Variants in KCNQ3 observed in about 807,000 individuals in gnomAD.
KCNQ3 encodes potassium voltage-gated channel subfamily KQT member 3.
KCNQ3 carries 30 observed loss-of-function variants against 92.5 expected under a neutral mutation model. That is an observed-to-expected ratio of 0.32 (90% CI 0.24 to 0.44). The LOEUF is 0.44. Among genes scored for constraint, KCNQ3 ranks in the 20% least tolerant of loss-of-function variants. The pLI is 1.00. For missense variants in KCNQ3, 913 were observed against 1,140.3 expected (o/e 0.80, Z 2.87); for synonymous variants, 450 against 468.8 (o/e 0.96, Z 0.52).
At chr8:132,435,167 C>T (rs949767961) in intron 1 of KCNQ3, among the ~76,000 whole-genome samples, 8 of 152,166 alleles carry the variant, frequency 5.3e-5, no homozygotes, top group Non-Finnish European at 2.9e-5. Context: ...AGGAGCATGC[C>T]CAGGACCTCC....
At chr8:132,379,886 T>A (rs900134628) in intron 1 of KCNQ3, among the ~76,000 whole-genome samples, 5 of 146,532 alleles carry the variant, frequency 3.4e-5, no homozygotes, top group African/African-American at 1.3e-4. Flanking sequence ...AATCTTGGCA[T>A]CTTTTTTTTT....
At chr8:132,325,451 C>T (rs780180188) in intron 1 of KCNQ3, among the ~76,000 whole-genome samples, 35 of 152,108 alleles carry the variant, frequency 2.3e-4, no homozygotes, top group Non-Finnish European at 4.0e-4. Flanking sequence ...AAGTCCTAAC[C>T]CCTAGGACCT....
At chr8:132,321,240 C>T (rs984379693) in intron 1 of KCNQ3, among the ~76,000 whole-genome samples, 1 of 152,198 alleles carries the variant, frequency 6.6e-6, no homozygotes, top group African/African-American at 2.4e-5. Context: ...ACCAATCCCT[C>T]ACCCACTTCC....
chr8:132,447,707 G>A (rs114616736), intron 1 of KCNQ3, among the ~76,000 whole-genome samples: 2,724 of 152,338 alleles, frequency 0.018, 90 homozygotes, highest in African/African-American at 0.063. Context: ...ACCACCAGGA[G>A]TTCTAAGGAC....
chr8:132,139,141 AAGAAAAGTTT>A (rs1275355156), intron 11 of KCNQ3, among the ~76,000 whole-genome samples: 1 of 152,214 alleles, frequency 6.6e-6, no homozygotes, highest in Non-Finnish European at 1.5e-5. Flanking sequence ...CGACCCTTTC[AAGAAAAGTTT>A]GATGACCTCT....
At chr8:132,428,899 C>T (rs1821176397) in intron 1 of KCNQ3, among the ~76,000 whole-genome samples, 1 of 152,002 alleles carries the variant, frequency 6.6e-6, no homozygotes, top group Non-Finnish European at 1.5e-5. Flanking sequence ...AAACAAACCT[C>T]CAAACAGAAC....
intron 1 of KCNQ3, among the ~76,000 whole-genome samples, chr8:132,456,902 C>T (rs1240897897): frequency 1.3e-5 from 2 of 152,158 alleles, no homozygotes; most frequent in African/African-American, 2.4e-5. Flanking sequence ...CATAAGCCAC[C>T]GCGCCTGGCT....
chr8:132,173,776 C>A (rs545493227), intron 6 of KCNQ3, among the ~76,000 whole-genome samples: 1 of 152,108 alleles, frequency 6.6e-6, no homozygotes, highest in Non-Finnish European at 1.5e-5. Flanking sequence ...TCTTGAGAGA[C>A]ATGTATTTTT....
In KCNQ3 at chr8:132,186,189, G is replaced by A. The variant is rs1473386593; in HGVS notation, c.387-8C>T. ...CCCAGGACAATCAGGAACCTAGAGGGGAAGAAAGAAATGGACTAAGGAACC... is the reference window on the plus strand; with the variant it reads ...CCCAGGACAATCAGGAACCTAGAGGAGAAGAAAGAAATGGACTAAGGAACC... On this transcript the variant is annotated splice_region_variant and splice_polypyrimidine_tract_variant and intron_variant, in intron 1 of 14. Coordinates refer to ENST00000388996, the MANE Select transcript of KCNQ3 (RefSeq NM_004519.4). 1 of 1,605,214 alleles carries A rather than the reference G, an allele frequency of 6.2e-7. No homozygotes were observed. The highest frequency in any genetic ancestry group is 8.5e-7 in the Non-Finnish European group (1 of 1,172,030).
At chr8:132,290,739 G>A (rs1816813928) in intron 1 of KCNQ3, among the ~76,000 whole-genome samples, 1 of 152,194 alleles carries the variant, frequency 6.6e-6, no homozygotes, top group South Asian at 2.1e-4. Context: ...CACCGGAACA[G>A]GATGAGATTT....
intron 1 of KCNQ3, among the ~76,000 whole-genome samples, chr8:132,193,416 C>A (rs1827217556): frequency 6.6e-6 from 1 of 152,210 alleles, no homozygotes; most frequent in African/African-American, 2.4e-5. Flanking sequence ...AGGACAGGAA[C>A]CAGTGCGAGC....
chr8:132,261,194 G>A (rs1815774513), intron 1 of KCNQ3, among the ~76,000 whole-genome samples: 1 of 152,224 alleles, frequency 6.6e-6, no homozygotes, highest in Admixed American at 6.5e-5. Context: ...TAGGGCATTG[G>A]GTGGGATATC....
chr8:132,232,454 T>C (rs1392109976), intron 1 of KCNQ3, among the ~76,000 whole-genome samples: 1 of 152,252 alleles, frequency 6.6e-6, no homozygotes, highest in Non-Finnish European at 1.5e-5. Context: ...ATCACACACA[T>C]TCAGAATCTA....
At chr8:132,399,393 A>G (rs1196131957) in intron 1 of KCNQ3, among the ~76,000 whole-genome samples, 2 of 152,134 alleles carry the variant, frequency 1.3e-5, no homozygotes, top group African/African-American at 4.8e-5. Flanking sequence ...CACTTCTCCC[A>G]TGCACCCAGT....
At chr8:132,371,809 A>T (rs1406768499) in intron 1 of KCNQ3, among the ~76,000 whole-genome samples, 1 of 152,194 alleles carries the variant, frequency 6.6e-6, no homozygotes. Flanking sequence ...TCCAAAGTAA[A>T]TATCAGCAGA....
intron 1 of KCNQ3, among the ~76,000 whole-genome samples, chr8:132,459,912 C>T (rs1445221922): frequency 2.0e-5 from 3 of 151,880 alleles, no homozygotes; most frequent in African/African-American, 7.3e-5. Context: ...TGTTATATAT[C>T]AGTATGGGCT....
chr8:132,211,674 C>T (rs767458704), intron 1 of KCNQ3, among the ~76,000 whole-genome samples: 33 of 152,026 alleles, frequency 2.2e-4, no homozygotes, highest in East Asian at 9.7e-4. Flanking sequence ...ATCTTTTGGA[C>T]GGGCATGGTG....
intron 1 of KCNQ3, among the ~76,000 whole-genome samples, chr8:132,396,949 CGTGT>C (rs112457824): frequency 6.7e-6 from 1 of 149,702 alleles, no homozygotes; most frequent in African/African-American, 2.5e-5. Context: ...TGTGTGTGTG[CGTGT>C]GTGTGTGTGT....
intron 1 of KCNQ3, among the ~76,000 whole-genome samples, chr8:132,435,592 C>T (rs944687516): frequency 2.0e-5 from 3 of 151,992 alleles, no homozygotes; most frequent in South Asian, 4.2e-4. Context: ...AGTAATTAGC[C>T]CAAAATCAAA....
Sources: gnomAD v4.1 joint callset for allele counts (sites outside exome capture counted in the v4.1 genomes callset) on GRCh38, gnomAD v4.1.1 for gene constraint, MANE v1.5 for transcripts, NCBI Gene and HGNC (gene_info 2026-07-23, HGNC 2026-07-21) for gene names.